Variants in MACROD2 observed in about 807,000 individuals in gnomAD.
MACROD2 encodes mono-ADP ribosylhydrolase 2, also known as ADP-ribose glycohydrolase MACROD2.
MACROD2 carries 36 observed loss-of-function variants against 70.4 expected under a neutral mutation model. The ratio of observed to expected loss-of-function variants is 0.51; its 90% CI spans 0.39 to 0.68. MACROD2 has a LOEUF of 0.68. MACROD2 is among the 30% of genes least tolerant of loss of function. MACROD2 has a pLI of 0.00. For synonymous variants in MACROD2, 172 were observed against 178.8 expected (o/e 0.96, Z 0.30); for missense variants, 496 against 538.4 (o/e 0.92, Z 0.78).
chr20:15,496,949 G>A (rs145587764), intron 7 of MACROD2, among the ~76,000 whole-genome samples: 3 of 152,190 alleles, frequency 2.0e-5, no homozygotes, highest in African/African-American at 7.2e-5. Context: ...AGTTGTCTGG[G>A]TGAGGGCCGA....
At chr20:15,696,678 GTTTTTTT>G (rs374403186) in intron 8 of MACROD2, among the ~76,000 whole-genome samples, 1 of 88,756 alleles carries the variant, frequency 1.1e-5, no homozygotes, top group Admixed American at 1.1e-4. Context: ...TAGTCCTGGA[GTTTTTTT>G]TTTTTTTTTT....
intron 6 of MACROD2, among the ~76,000 whole-genome samples, chr20:15,353,033 C>T (rs922518876): frequency 2.6e-5 from 4 of 151,960 alleles, no homozygotes; most frequent in African/African-American, 9.7e-5. Context: ...AAAAAAGAGC[C>T]CGCATTGCCA....
At chr20:15,744,549 G>T (rs1262757724) in intron 8 of MACROD2, among the ~76,000 whole-genome samples, 2 of 152,112 alleles carry the variant, frequency 1.3e-5, no homozygotes, top group Admixed American at 6.5e-5. Context: ...TCAAATTTTT[G>T]ATTCTGGCTG....
intron 3 of MACROD2, among the ~76,000 whole-genome samples, chr20:14,169,799 T>G (rs187375311): frequency 1.3e-5 from 2 of 152,298 alleles, no homozygotes; most frequent in East Asian, 3.9e-4. Flanking sequence ...TTGAATACAT[T>G]GTTGTCTGTA....
intron 5 of MACROD2, among the ~76,000 whole-genome samples, chr20:14,748,025 A>T (rs2123731079): frequency 6.6e-6 from 1 of 152,236 alleles, no homozygotes; most frequent in African/African-American, 2.4e-5. Context: ...CTGTCTAAGG[A>T]AACCATTATA....
chr20:14,091,812 T>A (rs1194672322), intron 3 of MACROD2, among the ~76,000 whole-genome samples: 4 of 152,204 alleles, frequency 2.6e-5, no homozygotes, highest in Non-Finnish European at 1.5e-5. Context: ...TGTATGGATG[T>A]ACCAGAGTTT....
chr20:14,946,191 C>G (rs1001497434), intron 5 of MACROD2, among the ~76,000 whole-genome samples: 22 of 143,268 alleles, frequency 1.5e-4, no homozygotes, highest in African/African-American at 5.9e-4. Flanking sequence ...AAGAACAAAA[C>G]TCTGTCTCAA....
chr20:15,537,177 G>C (rs955734481), intron 8 of MACROD2, among the ~76,000 whole-genome samples: 4 of 152,062 alleles, frequency 2.6e-5, no homozygotes, highest in African/African-American at 7.2e-5. Flanking sequence ...GAGATCTGAT[G>C]GTTTTATAAG....
intron 5 of MACROD2, among the ~76,000 whole-genome samples, chr20:14,754,784 T>A (rs976737491): frequency 2.9e-5 from 4 of 136,622 alleles, no homozygotes; most frequent in Admixed American, 2.3e-4. Context: ...GGGATATTTT[T>A]AGGTAAAGTG....
intron 8 of MACROD2, among the ~76,000 whole-genome samples, chr20:15,842,749 A>G (rs7353332): frequency 0.81 from 113,767 of 141,062 alleles, 44,827 homozygotes; most frequent in East Asian, 0.95. Context: ...TAGATAGAGA[A>G]ATAGACAGAC....
intron 8 of MACROD2, among the ~76,000 whole-genome samples, chr20:15,777,031 C>T (rs16996525): frequency 0.028 from 4,187 of 152,168 alleles, 212 homozygotes; most frequent in African/African-American, 0.096. Flanking sequence ...AGTTGAAATT[C>T]GGCTCATTGT....
chr20:15,575,822 T>TC (rs1480336092), intron 8 of MACROD2, among the ~76,000 whole-genome samples: 14 of 151,962 alleles, frequency 9.2e-5, no homozygotes, highest in Admixed American at 9.2e-4. Flanking sequence ...CTCTCAACAG[T>TC]CCCCCGTGTC....
intron 5 of MACROD2, among the ~76,000 whole-genome samples, chr20:14,725,740 G>C (rs779993937): frequency 7.9e-5 from 12 of 152,150 alleles, no homozygotes; most frequent in Admixed American, 1.3e-4. Context: ...ATATGCCTCA[G>C]AGTAGCCGCC....
At chr20:16,021,935 G>A (rs2067006693) in intron 15 of MACROD2, among the ~76,000 whole-genome samples, 1 of 152,054 alleles carries the variant, frequency 6.6e-6, no homozygotes, top group Non-Finnish European at 1.5e-5. Flanking sequence ...ATGAATGAAT[G>A]AATGAATAAA....
At position 14,662,271 on chromosome 20, in the gene MACROD2, AACTGGCT is replaced by A. The variant is rs1489252801; in HGVS notation, c.302-22570_302-22564del. Among the ~76,000 whole-genome samples the A allele has an allele frequency of 2.6e-5, 4 of 152,226 alleles. No individual in the cohort carries two copies. The East Asian group carries it at 7.7e-4, about 29-fold the overall frequency. Reference sequence around the variant, plus strand: ...TTTATTTAATAAATGGTGCTGCGATAACTGGCTAGCCATATGCAGAAGATTGAAATTG... The same window carrying A: ...TTTATTTAATAAATGGTGCTGCGATAAGCCATATGCAGAAGATTGAAATTG... On this transcript the variant is annotated intron_variant, in intron 4 of 17. Coordinates refer to ENST00000684519, the MANE Select transcript of MACROD2 (RefSeq NM_001351661.2).
intron 5 of MACROD2, among the ~76,000 whole-genome samples, chr20:15,136,100 T>C (rs1246728717): frequency 6.6e-6 from 1 of 150,702 alleles, no homozygotes; most frequent in African/African-American, 2.5e-5. Context: ...TGCTCATGGA[T>C]AGGAAGAATC....
intron 6 of MACROD2, among the ~76,000 whole-genome samples, chr20:15,379,477 C>T (rs992235981): frequency 7.3e-5 from 11 of 151,708 alleles, no homozygotes; most frequent in Non-Finnish European, 1.3e-4. Flanking sequence ...TTTTTTCCAC[C>T]GAAACCTGTT....
intron 8 of MACROD2, among the ~76,000 whole-genome samples, chr20:15,707,532 C>A (rs1034781742): frequency 1.3e-5 from 2 of 152,188 alleles, no homozygotes; most frequent in Admixed American, 6.5e-5. Context: ...GCCTGTAATT[C>A]TACCACTTTG....
chr20:14,848,420 A>T (rs2073165053), intron 5 of MACROD2, among the ~76,000 whole-genome samples: 1 of 152,190 alleles, frequency 6.6e-6, no homozygotes, highest in African/African-American at 2.4e-5. Context: ...ACAGAGAGTA[A>T]TATGGGTGAG....
Sources: allele counts gnomAD v4.1 joint callset (sites outside exome capture counted in the v4.1 genomes callset), GRCh38; gene constraint gnomAD v4.1.1; transcripts MANE v1.5; gene names NCBI Gene and HGNC (gene_info 2026-07-23, HGNC 2026-07-21).